NCKAP5: variants seen among roughly 807,000 people sequenced by gnomAD.
NCKAP5 encodes the protein NCK associated protein 5.
Under a neutral mutation model 167.0 loss-of-function variants are expected in NCKAP5, and 92 were observed. The observed-to-expected ratio is 0.55, with a 90% CI of 0.47 to 0.66. The LOEUF (loss-of-function observed/expected upper bound fraction) is 0.66. Among genes scored for constraint, NCKAP5 ranks in the 30% least tolerant of loss-of-function variants. NCKAP5 has a pLI of 0.00. For missense variants in NCKAP5, 2,378 were observed against 2,315.0 expected, an observed-to-expected ratio of 1.03 and a Z score of -0.56; for synonymous variants, 891 against 877.4, an observed-to-expected ratio of 1.02 and a Z score of -0.27.
At chr2:132,879,965 G>T (rs1459780180) in intron 8 of NCKAP5, among the ~76,000 whole-genome samples, 2 of 152,028 alleles carry the variant, frequency 1.3e-5, no homozygotes, top group African/African-American at 4.8e-5. Flanking sequence ...ATACTATTTG[G>T]CCATAAAAAA....
chr2:133,520,175 C>G (rs946672457), intron 2 of NCKAP5, among the ~76,000 whole-genome samples: 2 of 152,122 alleles, frequency 1.3e-5, no homozygotes, highest in African/African-American at 4.8e-5. Flanking sequence ...TGGCTGGCTA[C>G]AGAGCGAGAC....
intron 16 of NCKAP5, among the ~76,000 whole-genome samples, chr2:132,755,646 T>C (rs1193891696): frequency 6.6e-6 from 1 of 151,764 alleles, no homozygotes; most frequent in Non-Finnish European, 1.5e-5. Flanking sequence ...CTGACCAACA[T>C]GGTGAAACCC....
chr2:133,144,998 G>A (rs2083136555), intron 5 of NCKAP5, among the ~76,000 whole-genome samples: 1 of 152,042 alleles, frequency 6.6e-6, no homozygotes, highest in South Asian at 2.1e-4. Flanking sequence ...TGATAATTTA[G>A]CCATACAGAT....
chr2:132,723,864 CT>C (rs1198017353), intron 19 of NCKAP5, among the ~76,000 whole-genome samples: 2 of 152,186 alleles, frequency 1.3e-5, no homozygotes, highest in Non-Finnish European at 2.9e-5. Context: ...CAGACGCATC[CT>C]TTTTAAACTT....
At chr2:133,646,979 T>C in the NCKAP5 span, among the ~76,000 whole-genome samples, 1 of 151,136 alleles carries the variant, frequency 6.6e-6, no homozygotes, top group Non-Finnish European at 1.5e-5. Flanking sequence ...ATGGAAGTTA[T>C]AAAAAGGGAA....
At chr2:132,912,552 T>A (rs1694539273) in intron 8 of NCKAP5, among the ~76,000 whole-genome samples, 1 of 152,222 alleles carries the variant, frequency 6.6e-6, no homozygotes, top group Admixed American at 6.5e-5. Context: ...ACTGCCCTGC[T>A]TCCTATGGTT....
intron 4 of NCKAP5, among the ~76,000 whole-genome samples, chr2:133,257,338 T>C (rs890222582): frequency 5.3e-5 from 8 of 152,184 alleles, no homozygotes; most frequent in African/African-American, 1.4e-4. Flanking sequence ...TAATAACTAC[T>C]AGTCTGAATC....
chr2:132,781,302 T>C, intron 14 of NCKAP5, 73 bp from the exon 15 acceptor site: 1 of 1,422,380 alleles, frequency 7.0e-7, no homozygotes, highest in African/African-American at 1.4e-5. Context: ...TCCCAATCTT[T>C]TTAATATTTA....
At chr2:132,689,166 G>T (rs181075010) in intron 19 of NCKAP5, among the ~76,000 whole-genome samples, 23 of 152,154 alleles carry the variant, frequency 1.5e-4, no homozygotes, top group Admixed American at 5.9e-4. Flanking sequence ...TAACATGTGG[G>T]TGAATACAAC....
At position 132,840,368 on chromosome 2, in the gene NCKAP5, C is replaced by T. The variant is rs570943356; in HGVS notation, c.807+20124G>A. Among the ~76,000 whole-genome samples, 28 of 151,610 alleles carry T rather than the reference C, an allele frequency of 1.8e-4. No homozygotes were observed. The South Asian group carries it at 4.6e-3, about 25-fold the overall frequency. ...TCAGCTCACTGCAACCTCCACCTCCCGGGTTCAAGCAATGCTCCTGCCTCA... is the reference window on the plus strand; with the variant it reads ...TCAGCTCACTGCAACCTCCACCTCCTGGGTTCAAGCAATGCTCCTGCCTCA... On this transcript the variant is annotated intron_variant, in intron 11 of 19. Transcript: ENST00000409261.
chr2:133,052,210 C>T (rs2079628704), intron 6 of NCKAP5, among the ~76,000 whole-genome samples: 1 of 152,152 alleles, frequency 6.6e-6, no homozygotes, highest in Admixed American at 6.5e-5. Context: ...CCAAATCCAC[C>T]TCTGTGCCAT....
chr2:132,954,267 C>T (rs759122793), intron 8 of NCKAP5, among the ~76,000 whole-genome samples: 17 of 152,156 alleles, frequency 1.1e-4, no homozygotes, highest in Admixed American at 2.0e-4. Flanking sequence ...CCCACGGACC[C>T]TCTCAATATT....
chr2:132,819,179 C>A (rs1686517827), intron 11 of NCKAP5, among the ~76,000 whole-genome samples: 1 of 152,258 alleles, frequency 6.6e-6, no homozygotes, highest in East Asian at 1.9e-4. Flanking sequence ...TGGCATGGAG[C>A]CCTTCTGTTG....
At chr2:132,976,234 C>G (rs1286191292) in intron 7 of NCKAP5, among the ~76,000 whole-genome samples, 3 of 151,910 alleles carry the variant, frequency 2.0e-5, no homozygotes, top group African/African-American at 7.3e-5. Context: ...GTGGAAGCAG[C>G]GGTTGAGGAG....
intron 9 of NCKAP5, among the ~76,000 whole-genome samples, chr2:132,873,244 C>T (rs1348287269): frequency 1.3e-5 from 2 of 152,196 alleles, no homozygotes; most frequent in South Asian, 2.1e-4. Flanking sequence ...GCTGGGACTA[C>T]AGGCGCCCAC....
At chr2:132,720,997 C>T (rs138294874) in intron 19 of NCKAP5, among the ~76,000 whole-genome samples, 249 of 141,536 alleles carry the variant, frequency 1.8e-3, no homozygotes, top group African/African-American at 6.6e-3. Flanking sequence ...CCTAGGTACA[C>T]AGTGAGACTC....
chr2:133,364,670 C>G (rs147865623), intron 3 of NCKAP5, among the ~76,000 whole-genome samples: 45 of 152,230 alleles, frequency 3.0e-4, no homozygotes, highest in African/African-American at 1.0e-3. Context: ...TTGACTGAGG[C>G]TGTGCAGTTT....
chr2:133,362,012 G>GAA lies in NCKAP5; in HGVS notation c.70-58904_70-58903dup, dbSNP rs112037723. On this transcript the variant is annotated intron_variant, in intron 3 of 19. Coordinates refer to ENST00000409261, the MANE Select transcript of NCKAP5 (RefSeq NM_207363.3). ...AGAAGCATAAATCTGTTTAAAAAAT[G>GAA]AAAAAAAAAACAGTGTAAAAAAGTC... 2.0e-4 allele frequency among the ~76,000 whole-genome samples: 30 copies of GAA among 146,594 alleles called. 1 individual carries two copies. Among genetic ancestry groups the GAA allele is most frequent in the South Asian group, 2.2e-4 (1 of 4,622 alleles).
Position 132,795,820 on chromosome 2 carries a change from G to GAAAAAAAAA in NCKAP5, c.909+799_909+807dup, listed in dbSNP as rs55826486. 2.9e-3 allele frequency among the ~76,000 whole-genome samples: 246 copies of GAAAAAAAAA among 83,654 alleles called. 1 individual carries two copies. The highest frequency in any genetic ancestry group is 0.025 in the Middle Eastern group (3 of 118). 54.9% of individuals were successfully genotyped at this position (83,654 alleles called of 152,430 possible). A position where few individuals can be genotyped will look rare whatever the true frequency, so the allele number is the denominator to read the frequency against. ...GGCAACAGGATGAGACCCCGTATCA[G>GAAAAAAAAA]AAAAAAAAAAAAAAAAAACAAAAAA... On this transcript the variant is annotated intron_variant, in intron 12 of 19. Transcript: ENST00000409261.
Sources: gnomAD v4.1 joint callset for allele counts (sites outside exome capture counted in the v4.1 genomes callset) on GRCh38, gnomAD v4.1.1 for gene constraint, MANE v1.5 for transcripts, NCBI Gene and HGNC (gene_info 2026-07-23, HGNC 2026-07-21) for gene names.